The following CDH13 variants were observed in gnomAD, a reference collection of about 807,000 sequenced individuals.
CDH13 encodes cadherin-13.
CDH13 carries 24 observed loss-of-function variants against 63.8 expected under a neutral mutation model. The observed-to-expected ratio is 0.38, with a 90% CI of 0.27 to 0.53. The LOEUF is 0.53. CDH13 is among the 20% of genes least tolerant of loss of function. The pLI is 0.85. For synonymous variants in CDH13, 503 were observed against 355.3 expected, an observed-to-expected ratio of 1.42 and a Z score of -4.67; for missense variants, 1,049 against 903.1, an observed-to-expected ratio of 1.16 and a Z score of -2.07.
chr16:83,252,107 T>TACACACACACACACACACACAC (rs149781230), intron 5 of CDH13, among the ~76,000 whole-genome samples: 7 of 135,956 alleles, frequency 5.1e-5, no homozygotes, highest in African/African-American at 1.6e-4. Context: ...ATATATATTA[T>TACACACACACACACACACACAC]ACACACACAC....
intron 1 of CDH13, among the ~76,000 whole-genome samples, chr16:82,676,104 T>G (rs1490391999): frequency 6.6e-6 from 1 of 152,232 alleles, no homozygotes; most frequent in Non-Finnish European, 1.5e-5. Context: ...AAAATCTATT[T>G]TATTTTCACA....
At chr16:83,720,186 C>T (rs1388917456) in intron 10 of CDH13, among the ~76,000 whole-genome samples, 3 of 152,148 alleles carry the variant, frequency 2.0e-5, no homozygotes, top group Admixed American at 6.5e-5. Flanking sequence ...TACGTACACA[C>T]ACACACACAC....
At chr16:83,570,972 A>ATATATATAT (rs57638289) in intron 7 of CDH13, among the ~76,000 whole-genome samples, 13,890 of 105,622 alleles carry the variant, frequency 0.13, 1,114 homozygotes, top group Non-Finnish European at 0.17. Flanking sequence ...TATATATATA[A>ATATATATAT]AAACCTTCTG....
intron 7 of CDH13, among the ~76,000 whole-genome samples, chr16:83,580,745 G>A (rs1020869133): frequency 3.3e-5 from 5 of 152,098 alleles, no homozygotes; most frequent in South Asian, 2.1e-4. Context: ...GATTCTGCCC[G>A]CCTCCCAAAG....
chr16:83,716,342 A>G (rs757982327), intron 10 of CDH13, among the ~76,000 whole-genome samples: 2 of 152,184 alleles, frequency 1.3e-5, no homozygotes, highest in Non-Finnish European at 2.9e-5. Flanking sequence ...GTTTGGGCAA[A>G]TGTATAACAG....
intron 4 of CDH13, among the ~76,000 whole-genome samples, chr16:83,168,616 A>C (rs1567470406): frequency 6.6e-6 from 1 of 152,082 alleles, no homozygotes; most frequent in Non-Finnish European, 1.5e-5. Context: ...TTTTAAAAAA[A>C]ACGAACTTGT....
At chr16:83,728,143 C>A (rs1345135614) in intron 10 of CDH13, among the ~76,000 whole-genome samples, 4 of 152,174 alleles carry the variant, frequency 2.6e-5, no homozygotes, top group African/African-American at 9.7e-5. Flanking sequence ...GCACCGCGGG[C>A]AGGCTTCAGA....
At chr16:82,642,447 T>A (rs1048021308) in intron 1 of CDH13, among the ~76,000 whole-genome samples, 1 of 152,230 alleles carries the variant, frequency 6.6e-6, no homozygotes, top group African/African-American at 2.4e-5. Context: ...ATATGCAAGA[T>A]ATAATTTTAT....
At chr16:83,679,078 G>A (rs1304072613) in intron 10 of CDH13, among the ~76,000 whole-genome samples, 1 of 137,842 alleles carries the variant, frequency 7.3e-6, no homozygotes, top group African/African-American at 2.9e-5. Context: ...CGTTCTGCCT[G>A]ATGAGGGGCA....
intron 6 of CDH13, among the ~76,000 whole-genome samples, chr16:83,347,054 G>T (rs1417253446): frequency 6.6e-6 from 1 of 152,166 alleles, no homozygotes; most frequent in Non-Finnish European, 1.5e-5. Context: ...ATGTGGAAAT[G>T]TTGCAAAAGA....
chr16:83,180,085 T>C (rs1192288743), intron 4 of CDH13, among the ~76,000 whole-genome samples: 3 of 152,144 alleles, frequency 2.0e-5, no homozygotes, highest in African/African-American at 7.2e-5. Context: ...CCTTGGAGCA[T>C]AGTGATTGTT....
chr16:83,448,533 C>A (rs1459992830), intron 6 of CDH13, among the ~76,000 whole-genome samples: 1 of 152,094 alleles, frequency 6.6e-6, no homozygotes, highest in African/African-American at 2.4e-5. Context: ...ATGATAGGGG[C>A]CTCTTCATAG....
chr16:83,537,622 T>A (rs1016949412), intron 7 of CDH13, among the ~76,000 whole-genome samples: 7 of 145,588 alleles, frequency 4.8e-5, no homozygotes, highest in Non-Finnish European at 1.1e-4. Context: ...GACAGAAGCT[T>A]CTTAGACATT....
chr16:83,593,427 T>C (rs1906950695), intron 7 of CDH13, among the ~76,000 whole-genome samples: 1 of 152,166 alleles, frequency 6.6e-6, no homozygotes, highest in Non-Finnish European at 1.5e-5. Context: ...TAAGTGCTTT[T>C]GGAGTGGAAT....
chr16:83,205,815 G>A (rs1438416051), intron 4 of CDH13, among the ~76,000 whole-genome samples: 1 of 152,060 alleles, frequency 6.6e-6, no homozygotes, highest in East Asian at 1.9e-4. Context: ...ATGTTGGCCA[G>A]GATGGTCTCT....
rs150209346 is a variant in CDH13, at chr16:83,379,219, C to A, written c.781+34213C>A. ...TGCATCTTCACCAAAGTAATAACAACTGTATATGGTTTAGAAGGGCACTGA... is the reference window on the plus strand; with the variant it reads ...TGCATCTTCACCAAAGTAATAACAAATGTATATGGTTTAGAAGGGCACTGA... On this transcript the variant is annotated intron_variant, in intron 6 of 13. Coordinates refer to ENST00000567109, the MANE Select transcript of CDH13 (RefSeq NM_001257.5). Among the ~76,000 whole-genome samples the A allele has an allele frequency of 7.4e-3, 1,124 of 152,268 alleles. 9 individuals carry two copies. The highest frequency in any genetic ancestry group is 0.011 in the Non-Finnish European group (768 of 68,022).
At chr16:83,447,039 C>A (rs1567678577) in intron 6 of CDH13, among the ~76,000 whole-genome samples, 1 of 116,242 alleles carries the variant, frequency 8.6e-6, no homozygotes, top group South Asian at 2.8e-4. Context: ...ACCACCACCA[C>A]TGGTCACCCG....
At chr16:82,807,753 A>T (rs1439452645) in intron 1 of CDH13, among the ~76,000 whole-genome samples, 1 of 152,190 alleles carries the variant, frequency 6.6e-6, no homozygotes, top group Non-Finnish European at 1.5e-5. Context: ...CAGCCTCCAA[A>T]CACCACAATG....
chr16:82,652,054 T>A (rs1353587189), intron 1 of CDH13, among the ~76,000 whole-genome samples: 1 of 152,236 alleles, frequency 6.6e-6, no homozygotes, highest in African/African-American at 2.4e-5. Context: ...TCGGCCAACC[T>A]ATTGTTGCTG....
Sources: gnomAD v4.1 joint callset for allele counts (sites outside exome capture counted in the v4.1 genomes callset) on GRCh38, gnomAD v4.1.1 for gene constraint, MANE v1.5 for transcripts, NCBI Gene and HGNC (gene_info 2026-07-23, HGNC 2026-07-21) for gene names.